Variants in DCDC2C observed in about 807,000 individuals in gnomAD.
DCDC2C encodes the protein doublecortin domain containing 2C.
Under a neutral mutation model 45.0 loss-of-function variants are expected in DCDC2C, and 44 were observed. The observed-to-expected ratio is 0.98, with a 90% CI of 0.77 to 1.26. The LOEUF (loss-of-function observed/expected upper bound fraction) is 1.26, where lower values mean the gene tolerates loss of function less well. Among genes scored for constraint, DCDC2C ranks in the 50% most tolerant of loss-of-function variants. The pLI is 0.00. For missense variants in DCDC2C, 447 were observed against 468.9 expected, an observed-to-expected ratio of 0.95 and a Z score of 0.43; for synonymous variants, 187 against 178.8, an observed-to-expected ratio of 1.05 and a Z score of -0.37.
chr2:3,715,775 A>C (rs979982063), intron 2 of DCDC2C, among the ~76,000 whole-genome samples: 3 of 152,236 alleles, frequency 2.0e-5, no homozygotes, highest in African/African-American at 7.2e-5. Context: ...TACTATTTGA[A>C]GCAGTTGTAC....
chr2:3,785,671 T>G (rs1276264723), intron 10 of DCDC2C, among the ~76,000 whole-genome samples: 1 of 152,190 alleles, frequency 6.6e-6, no homozygotes, highest in African/African-American at 2.4e-5. Context: ...AGCTCTGTCC[T>G]CAGCAGGACT....
At chr2:3,752,929 G>C in intron 5 of DCDC2C, 29 bp downstream of exon 5, 1 of 1,537,698 alleles carries the variant, frequency 6.5e-7, no homozygotes, top group South Asian at 1.2e-5. Flanking sequence ...TTTCTTTCCT[G>C]AGTTTTGGAA....
chr2:3,796,411 TAGG>T lies in DCDC2C; in HGVS notation c.1065+11314_1065+11316del, dbSNP rs1295036330. 1.3e-4 allele frequency among the ~76,000 whole-genome samples: 15 copies of T among 114,500 alleles called. 3 individuals are homozygous for T. The highest frequency in any genetic ancestry group is 2.3e-4 in the Non-Finnish European group (13 of 56,910). 75.1% of individuals were successfully genotyped at this position (114,500 alleles called of 152,430 possible). On this transcript the variant is annotated intron_variant, in intron 10 of 10. Coordinates refer to ENST00000399143, the MANE Select transcript of DCDC2C (RefSeq NM_001287444.2). Reference sequence around the variant, plus strand: ...CCAGAACTTCCAACACTGTGTTGAATAGGAGTAGTGAGAGAGGGCATCCCTGTC... The same window carrying T: ...CCAGAACTTCCAACACTGTGTTGAATAGTAGTGAGAGAGGGCATCCCTGTC...
At chr2:3,749,291 T>C (rs187819997) in intron 4 of DCDC2C, among the ~76,000 whole-genome samples, 4 of 152,372 alleles carry the variant, frequency 2.6e-5, no homozygotes, top group Admixed American at 6.5e-5. Context: ...AAATACCTAG[T>C]GTTTAGCATG....
At chr2:3,766,144 G>C (rs983783116) in intron 6 of DCDC2C, among the ~76,000 whole-genome samples, 1 of 152,068 alleles carries the variant, frequency 6.6e-6, no homozygotes, top group Non-Finnish European at 1.5e-5. Context: ...GGTGGGGGCT[G>C]GGTCACACCG....
Position 3,795,527 on chromosome 2 carries a change from C to G in DCDC2C, c.1065+10427C>G, listed in dbSNP as rs1572624213. On this transcript the variant is annotated intron_variant, in intron 10 of 10. Transcript: ENST00000399143. ...TCTAATGTTTAAGTCTTTAATCCATCTTGAATTGATTTTTGTATAAGGTGT... is the reference window on the plus strand; with the variant it reads ...TCTAATGTTTAAGTCTTTAATCCATGTTGAATTGATTTTTGTATAAGGTGT... Among the ~76,000 whole-genome samples the G allele has an allele frequency of 1.0e-4, 13 of 125,218 alleles. 1 individual carries two copies. In the South Asian group the frequency reaches 3.3e-3, roughly 32 times the overall value. The allele number at this position is 125,218 out of a possible 152,430, so 82.1% of individuals were successfully genotyped here.
chr2:3,842,586 A>AGGTT (rs1458451466), intron 10 of DCDC2C, among the ~76,000 whole-genome samples: 1 of 150,054 alleles, frequency 6.7e-6, no homozygotes, highest in African/African-American at 2.5e-5. Context: ...GATACAGACA[A>AGGTT]GGTTCAGCTT....
rs1572610561 is a variant in DCDC2C, at chr2:3,778,827, G to A, written c.966G>A (p.Glu322=). 1.9e-6 allele frequency: 3 copies of A among 1,551,090 alleles called. No homozygotes were observed. The Admixed American group carries it at 5.9e-5, about 30-fold the overall frequency. The change falls in exon 9 of 11, where the codon GAG becomes GAA. Residue 322 remains glutamate, a synonymous_variant. Coordinates refer to ENST00000399143, the MANE Select transcript of DCDC2C (RefSeq NM_001287444.2). ...LEVPVDQRQA[E]IVKEDEEIHE... is the part of the protein sequence containing the mutation. ...TATTTTCTCCCCAGAGACAAGCTGAGATAGTTAAAGAAGATGAAGAGATAC... is the reference window on the plus strand; with the variant it reads ...TATTTTCTCCCCAGAGACAAGCTGAAATAGTTAAAGAAGATGAAGAGATAC...
At chr2:3,755,187 A>G (rs954752473) in intron 6 of DCDC2C, among the ~76,000 whole-genome samples, 1 of 151,912 alleles carries the variant, frequency 6.6e-6, no homozygotes, top group African/African-American at 2.4e-5. Flanking sequence ...ATGTGTGTGT[A>G]TGGATGCATA....
At chr2:3,821,222 A>G (rs1399304837) in intron 10 of DCDC2C, among the ~76,000 whole-genome samples, 1 of 152,226 alleles carries the variant, frequency 6.6e-6, no homozygotes, top group Non-Finnish European at 1.5e-5. Context: ...TCATCAGTTA[A>G]GGCAGGAACT....
At chr2:3,755,397 A>G (rs1263501737) in intron 6 of DCDC2C, among the ~76,000 whole-genome samples, 2 of 150,416 alleles carry the variant, frequency 1.3e-5, no homozygotes, top group African/African-American at 5.0e-5. Context: ...ATGAATGCAC[A>G]TATGTATGTA....
rs567532956 is a variant in DCDC2C at position 3,838,855 on chromosome 2, A to G, written c.1066-8299A>G. On this transcript the variant is annotated intron_variant, in intron 10 of 10. Coordinates refer to ENST00000399143, the MANE Select transcript of DCDC2C (RefSeq NM_001287444.2). ...TTTGTCCCAAGGCTACAAAATTAGAACTAAGTTCTTATTCCCTATTGCTAG... is the reference window on the plus strand; with the variant it reads ...TTTGTCCCAAGGCTACAAAATTAGAGCTAAGTTCTTATTCCCTATTGCTAG... Among the ~76,000 whole-genome samples the G allele has an allele frequency of 2.0e-5, 3 of 152,338 alleles. No individual in the cohort carries two copies. The South Asian group carries it at 6.2e-4, about 32-fold the overall frequency.
At chr2:3,769,214 T>C in intron 7 of DCDC2C, 97 bp from the exon 8 acceptor site, 2 of 1,185,314 alleles carry the variant, frequency 1.7e-6, no homozygotes, top group Non-Finnish European at 2.4e-6. Context: ...AGCTCCAGGA[T>C]GCCCGGCTTC....
At chr2:3,781,823 T>TGAGGC (rs1670516492) in intron 9 of DCDC2C, among the ~76,000 whole-genome samples, 1 of 152,080 alleles carries the variant, frequency 6.6e-6, no homozygotes, top group Non-Finnish European at 1.5e-5. Flanking sequence ...TGAGTTACAG[T>TGAGGC]TGTGCCACTC....
intron 10 of DCDC2C, among the ~76,000 whole-genome samples, chr2:3,836,418 G>T (rs1331943526): frequency 6.6e-6 from 1 of 152,088 alleles, no homozygotes; most frequent in African/African-American, 2.4e-5. Context: ...CTGGATCCTG[G>T]GGCAGCAAAC....
At chr2:3,716,023 A>G (rs1668342516) in intron 2 of DCDC2C, among the ~76,000 whole-genome samples, 1 of 152,134 alleles carries the variant, frequency 6.6e-6, no homozygotes. Flanking sequence ...GAGAGGGAGA[A>G]CCGACGGTGC....
intron 10 of DCDC2C, among the ~76,000 whole-genome samples, chr2:3,831,077 C>T (rs1010032183): frequency 9.2e-5 from 14 of 152,022 alleles, no homozygotes; most frequent in African/African-American, 2.4e-4. Context: ...GATCAAAGAT[C>T]GTGTGCTTTG....
intron 3 of DCDC2C, among the ~76,000 whole-genome samples, chr2:3,727,867 T>C (rs1668741858): frequency 6.6e-6 from 1 of 152,330 alleles, no homozygotes. Context: ...GAGGGTTAGC[T>C]TCAGGAATGT....
chr2:3,705,838 A>C (rs1019010020), intron 1 of DCDC2C, among the ~76,000 whole-genome samples: 7 of 152,172 alleles, frequency 4.6e-5, no homozygotes, highest in Non-Finnish European at 1.0e-4. Context: ...TGTTTATTTT[A>C]CTTTTTGGGA....
Sources: gnomAD v4.1 joint callset for allele counts (sites outside exome capture counted in the v4.1 genomes callset) on GRCh38, gnomAD v4.1.1 for gene constraint, MANE v1.5 for transcripts, NCBI Gene and HGNC (gene_info 2026-07-23, HGNC 2026-07-21) for gene names.